Variants in NAAA observed in about 807,000 individuals in gnomAD.
The protein encoded by NAAA is N-acylethanolamine-hydrolyzing acid amidase.
In NAAA, 39 loss-of-function variants were observed where a neutral mutation model predicts 44.8. The ratio of observed to expected loss-of-function variants is 0.87; its 90% confidence interval spans 0.67 to 1.14. The LOEUF is 1.14. Among genes scored for constraint, NAAA ranks in the 50% most tolerant of loss-of-function variants. The probability of loss-of-function intolerance (pLI) is 0.00; values close to 1 mark genes in which losing one functional copy is unlikely to be tolerated. For synonymous variants in NAAA, 178 were observed against 191.3 expected (o/e 0.93, Z 0.58); for missense variants, 460 against 467.8 (o/e 0.98, Z 0.15).
At chr4:75,913,142 T>G (rs1560495044), downstream of NAAA, among the ~76,000 whole-genome samples, 1 of 152,118 alleles carries the variant, frequency 6.6e-6, no homozygotes. Flanking sequence ...AATGTAGATT[T>G]ACTGAGCACG....
Position 75,914,916 on chromosome 4 carries a change from C to A in NAAA, c.1068G>T (p.Pro356=), listed in dbSNP as rs776706332. The A allele has an allele frequency of 6.2e-7, 1 of 1,614,088 alleles. No individual in the cohort carries two copies. The highest frequency in any genetic ancestry group is 1.1e-5 in the South Asian group (1 of 91,076). ...CTCTTCTGCTGACTTACTTTCTACT[C>A]GGGTTTCTGATCCTAGTCATGTACT... is the stretch of plus-strand genomic sequence containing the variant. ...PDKYMTRIRN[P]SRK Residue 356 remains proline (P), a synonymous_variant, in exon 10 of 11, where the codon CCG becomes CCT. Transcript: ENST00000286733.
At chr4:75,926,863 G>C (rs1009412693) in intron 4 of NAAA, among the ~76,000 whole-genome samples, 1 of 152,090 alleles carries the variant, frequency 6.6e-6, no homozygotes. Flanking sequence ...AAACTACCAG[G>C]CATAGTGGCA....
At chr4:75,938,488 A>C (rs1017635872) in intron 2 of NAAA, among the ~76,000 whole-genome samples, 1 of 152,194 alleles carries the variant, frequency 6.6e-6, no homozygotes, top group South Asian at 2.1e-4. Flanking sequence ...ACTGAAAAGC[A>C]TGTTATTTAG....
intron 9 of NAAA, chr4:75,917,170 G>C (rs1381427801): frequency 1.2e-6 from 1 of 803,710 alleles, no homozygotes; most frequent in Non-Finnish European, 1.5e-6. Context: ...ACTATTAAAA[G>C]GGCAACATTG....
At chr4:75,935,309 G>A (rs1320898604) in intron 3 of NAAA, 1 of 152,142 alleles carries the variant, frequency 6.6e-6, no homozygotes, top group African/African-American at 2.4e-5. Flanking sequence ...AGGGAATATA[G>A]TCCTTGTCCT....
chr4:75,917,159 G>T, intron 9 of NAAA: 2 of 880,852 alleles, frequency 2.3e-6, no homozygotes, highest in Non-Finnish European at 2.7e-6. Context: ...TTTAAAAAAT[G>T]ACTATTAAAA....
At chr4:75,915,920 C>T (rs1192097518) in intron 9 of NAAA, among the ~76,000 whole-genome samples, 4 of 152,180 alleles carry the variant, frequency 2.6e-5, no homozygotes, top group Non-Finnish European at 5.9e-5. Flanking sequence ...TGCAAAATAT[C>T]GGAGCTGGGT....
At chr4:75,925,873 T>C in intron 4 of NAAA, 62 bp from the exon 5 acceptor site, 3 of 1,480,052 alleles carry the variant, frequency 2.0e-6, no homozygotes, top group Admixed American at 3.4e-5. Flanking sequence ...ATGAAACAGA[T>C]ATGTTATTTT....
At chr4:75,920,375 A>G (rs2149250671) in intron 7 of NAAA, among the ~76,000 whole-genome samples, 1 of 152,342 alleles carries the variant, frequency 6.6e-6, no homozygotes, top group African/African-American at 2.4e-5. Flanking sequence ...TAAATAAGGG[A>G]AATAATTTCC....
At chr4:75,915,331 AGAGT>A (rs1227481238) in intron 9 of NAAA, among the ~76,000 whole-genome samples, 1 of 152,196 alleles carries the variant, frequency 6.6e-6, no homozygotes, top group Non-Finnish European at 1.5e-5. Context: ...CCTGGGCAAC[AGAGT>A]GAGACTCTGT....
intron 8 of NAAA, 40 bp downstream of exon 8, chr4:75,919,869 C>G: frequency 6.4e-7 from 1 of 1,561,952 alleles, no homozygotes. Flanking sequence ...AACAAAACAC[C>G]AAACATCCTA....
chr4:75,940,479 G>C (rs1236430501), intron 1 of NAAA, among the ~76,000 whole-genome samples: 2 of 152,254 alleles, frequency 1.3e-5, no homozygotes, highest in African/African-American at 4.8e-5. Flanking sequence ...TGGTAGCTAT[G>C]CAGCCCGGGC....
chr4:75,920,051 C>T, intron 7 of NAAA, 76 bp from the exon 8 acceptor site: 1 of 1,306,146 alleles, frequency 7.7e-7, no homozygotes, highest in Non-Finnish European at 1.1e-6. Flanking sequence ...TTTTGGGAGG[C>T]AGAATGCAAG....
rs1726139009 is a variant in NAAA, at chr4:75,921,229, G to A, written c.667-106C>T. 3.8e-6 allele frequency: 4 copies of A among 1,050,966 alleles called. No homozygotes were observed. In the East Asian group the frequency reaches 1.0e-4, roughly 27 times the overall value. 65.1% of individuals were successfully genotyped at this position (1,050,966 alleles called of 1,614,324 possible). On this transcript the variant is annotated intron_variant, in intron 5 of 10. Coordinates refer to ENST00000286733, the MANE Select transcript of NAAA (RefSeq NM_014435.4). ...ACATTCTCCTGATATGTTATGTCAT[G>A]ACTATCACCTTGATCTGCTCTGACC...
At chr4:75,926,060 G>A (rs1726655471) in intron 4 of NAAA, among the ~76,000 whole-genome samples, 1 of 136,422 alleles carries the variant, frequency 7.3e-6, no homozygotes, top group East Asian at 2.4e-4. Flanking sequence ...TAGAGAACTT[G>A]AGTCTTCCAC....
chr4:75,918,582 G>A (rs1471004782), intron 9 of NAAA, among the ~76,000 whole-genome samples, 179 bp downstream of exon 9: 14 of 149,810 alleles, frequency 9.3e-5, no homozygotes, highest in East Asian at 2.0e-4. Context: ...ACCCATATTA[G>A]TCCCATGAGA....
intron 9 of NAAA, chr4:75,917,053 A>G (rs963662085): frequency 2.1e-5 from 19 of 898,474 alleles, no homozygotes; most frequent in Non-Finnish European, 2.4e-5. Flanking sequence ...TACTAGGATT[A>G]CAGATGTGAG....
chr4:75,915,020 T>C, intron 9 of NAAA, 35 bp from the exon 10 acceptor site: 1 of 1,455,910 alleles, frequency 6.9e-7, no homozygotes. Flanking sequence ...GTACACATCA[T>C]TTTCTCTAAT....
intron 3 of NAAA, chr4:75,935,659 T>C (rs954145814): frequency 2.3e-5 from 4 of 171,846 alleles, no homozygotes; most frequent in African/African-American, 9.5e-5. Context: ...TCTGCAAAAT[T>C]AGGGAATGAG....
Sources: gnomAD v4.1 joint callset for allele counts (sites outside exome capture counted in the v4.1 genomes callset) on GRCh38, gnomAD v4.1.1 for gene constraint, MANE v1.5 for transcripts, NCBI Gene and HGNC (gene_info 2026-07-23, HGNC 2026-07-21) for gene names.